TESC: variants seen among roughly 807,000 people sequenced by gnomAD.
TESC encodes the protein tescalcin.
TESC carries 19 observed loss-of-function variants against 31.0 expected under a neutral mutation model. The ratio of observed to expected loss-of-function variants is 0.61; its 90% CI spans 0.43 to 0.90. The LOEUF is 0.90. Ranked by LOEUF, TESC falls within the 40% of genes least tolerant of loss-of-function variation. The pLI, the probability that TESC is intolerant of heterozygous loss-of-function variation, is 0.00. For synonymous variants in TESC, 109 were observed against 114.8 expected (o/e 0.95, Z 0.32); for missense variants, 248 against 303.8 (o/e 0.82, Z 1.36).
At chr12:117,065,066 G>A (rs951776065) in intron 2 of TESC, among the ~76,000 whole-genome samples, 4 of 152,228 alleles carry the variant, frequency 2.6e-5, no homozygotes, top group Admixed American at 6.5e-5. Flanking sequence ...GGGCCCAACC[G>A]TGCAGGGGCC....
At chr12:117,053,750 G>GCA (rs1565962020) in intron 3 of TESC, among the ~76,000 whole-genome samples, 1 of 151,832 alleles carries the variant, frequency 6.6e-6, no homozygotes, top group Admixed American at 6.6e-5. Flanking sequence ...GCGCGCACGC[G>GCA]CACACACACA....
intron 1 of TESC, among the ~76,000 whole-genome samples, chr12:117,076,536 C>T (rs557849986): frequency 2.6e-5 from 4 of 151,944 alleles, no homozygotes; most frequent in East Asian, 2.0e-4. Flanking sequence ...CCTCTGCCTC[C>T]GTGTTCCAGC....
At chr12:117,056,395 C>T (rs1390415948) in intron 3 of TESC, among the ~76,000 whole-genome samples, 3 of 137,350 alleles carry the variant, frequency 2.2e-5, no homozygotes, top group Non-Finnish European at 4.5e-5. Flanking sequence ...TTTTTAGAAA[C>T]AGGGTCTCAC....
chr12:117,088,537 T>C (rs1955252691), intron 1 of TESC, among the ~76,000 whole-genome samples: 1 of 151,994 alleles, frequency 6.6e-6, no homozygotes, highest in African/African-American at 2.4e-5. Context: ...AAAAATTAGC[T>C]GGGCGTGGCG....
At chr12:117,041,548 G>A (rs888421390) in intron 7 of TESC, among the ~76,000 whole-genome samples, 1 of 152,060 alleles carries the variant, frequency 6.6e-6, no homozygotes, top group African/African-American at 2.4e-5. Context: ...GGTCAAGCTG[G>A]TCTCGAACTC....
intron 2 of TESC, among the ~76,000 whole-genome samples, chr12:117,068,293 G>A (rs1013753254): frequency 6.6e-6 from 1 of 150,440 alleles, no homozygotes; most frequent in Admixed American, 6.6e-5. Flanking sequence ...ACTTTGGGAG[G>A]CCGAGGCGGG....
intron 1 of TESC, among the ~76,000 whole-genome samples, chr12:117,079,561 C>CAA (rs61106379): frequency 8.3e-4 from 111 of 134,094 alleles, no homozygotes; most frequent in Admixed American, 3.4e-3. Flanking sequence ...GACTCCATCT[C>CAA]AAAAAAAAAA....
At chr12:117,075,047 G>A (rs1332499872) in intron 2 of TESC, among the ~76,000 whole-genome samples, 7 of 152,344 alleles carry the variant, frequency 4.6e-5, no homozygotes, top group Non-Finnish European at 8.8e-5. Context: ...TCGGGAGGCT[G>A]AGGCAGAAGA....
chr12:117,096,409 G>C (rs556399887), intron 1 of TESC, among the ~76,000 whole-genome samples: 1 of 152,142 alleles, frequency 6.6e-6, no homozygotes, highest in African/African-American at 2.4e-5. Context: ...CGATCGTCTC[G>C]CACGTAACCT....
At chr12:117,095,988 CCTCT>C (rs72421936) in intron 1 of TESC, among the ~76,000 whole-genome samples, 22,818 of 152,142 alleles carry the variant, frequency 0.15, 1,815 homozygotes, top group Middle Eastern at 0.21. Flanking sequence ...AGCTGGTTTA[CCTCT>C]CTAAGCCTCA....
intron 2 of TESC, among the ~76,000 whole-genome samples, chr12:117,066,355 C>T (rs1283234346): frequency 6.7e-6 from 1 of 150,008 alleles, no homozygotes; most frequent in East Asian, 2.0e-4. Context: ...TACAGGCACC[C>T]GCCACCATGA....
chr12:117,044,947 C>T (rs939054440), intron 6 of TESC, among the ~76,000 whole-genome samples: 1 of 152,132 alleles, frequency 6.6e-6, no homozygotes, highest in Non-Finnish European at 1.5e-5. Flanking sequence ...CAGTCAATAA[C>T]TGCCTTTGGA....
At chr12:117,067,323 G>A (rs1954901078) in intron 2 of TESC, among the ~76,000 whole-genome samples, 1 of 152,160 alleles carries the variant, frequency 6.6e-6, no homozygotes, top group South Asian at 2.1e-4. Flanking sequence ...CTAGCACTTT[G>A]GAAGACTGAG....
At chr12:117,061,438 G>A (rs1954799685) in intron 2 of TESC, among the ~76,000 whole-genome samples, 3 of 152,134 alleles carry the variant, frequency 2.0e-5, no homozygotes, top group African/African-American at 7.2e-5. Flanking sequence ...TGTCCCAGGA[G>A]AGAGGGAGGA....
intron 2 of TESC, among the ~76,000 whole-genome samples, chr12:117,065,219 A>C (rs1055007534): frequency 1.3e-5 from 2 of 152,216 alleles, no homozygotes; most frequent in African/African-American, 4.8e-5. Context: ...GAAGACAGAC[A>C]CAGGGGAACC....
intron 1 of TESC, among the ~76,000 whole-genome samples, chr12:117,086,802 T>G (rs996571149): frequency 6.6e-6 from 1 of 152,190 alleles, no homozygotes; most frequent in African/African-American, 2.4e-5. Context: ...TGCACACCCT[T>G]AGCACAGGAT....
intron 2 of TESC, among the ~76,000 whole-genome samples, chr12:117,065,321 G>A (rs1164691159): frequency 6.6e-6 from 1 of 152,188 alleles, no homozygotes; most frequent in African/African-American, 2.4e-5. Flanking sequence ...GGGGAGAGAA[G>A]TAGCAAATCC....
intron 7 of TESC, among the ~76,000 whole-genome samples, chr12:117,040,902 A>ATCC (rs998791776): frequency 7.2e-5 from 11 of 152,114 alleles, no homozygotes; most frequent in African/African-American, 2.7e-4. Flanking sequence ...AGAAGCCGTG[A>ATCC]TCCTTCCTTC....
intron 2 of TESC, among the ~76,000 whole-genome samples, chr12:117,066,269 C>T (rs895377459): frequency 1.4e-4 from 18 of 130,328 alleles, no homozygotes; most frequent in Admixed American, 1.2e-3. Flanking sequence ...TACAGTGGTG[C>T]GATTTTGGCT....
Sources: gnomAD v4.1 joint callset for allele counts (sites outside exome capture counted in the v4.1 genomes callset) on GRCh38, gnomAD v4.1.1 for gene constraint, MANE v1.5 for transcripts, NCBI Gene and HGNC (gene_info 2026-07-23, HGNC 2026-07-21) for gene names.